SCN10A: variants seen among roughly 807,000 people sequenced by gnomAD.
The protein encoded by SCN10A is sodium voltage-gated channel alpha subunit 10, also known as sodium channel protein type 10 subunit alpha.
A neutral mutation model predicts 170.7 loss-of-function variants in SCN10A; 162 were observed. That is an observed-to-expected ratio of 0.95 (90% confidence interval 0.84 to 1.08). The LOEUF (loss-of-function observed/expected upper bound fraction) is 1.08, where lower values mean the gene tolerates loss of function less well. SCN10A is among the 50% of genes least tolerant of loss of function. SCN10A has a pLI of 0.00. For missense variants in SCN10A, 2,527 were observed against 2,436.9 expected (o/e 1.04, Z -0.78); for synonymous variants, 985 against 904.6 (o/e 1.09, Z -1.59).
chr3:38,748,873 C>T (rs1282389089), intron 13 of SCN10A, among the ~76,000 whole-genome samples: 1 of 152,214 alleles, frequency 6.6e-6, no homozygotes, highest in Non-Finnish European at 1.5e-5. Flanking sequence ...GAGCGGAAGT[C>T]TATCCTACCC....
intron 26 of SCN10A, among the ~76,000 whole-genome samples, chr3:38,704,792 C>T (rs749314067): frequency 7.9e-5 from 12 of 152,190 alleles, no homozygotes; most frequent in Admixed American, 3.9e-4. Flanking sequence ...TGAAATGGCA[C>T]CCATGCACTG....
intron 11 of SCN10A, among the ~76,000 whole-genome samples, chr3:38,755,379 A>AG (rs1180337271): frequency 7.2e-5 from 11 of 151,984 alleles, no homozygotes. Flanking sequence ...AAGGAAGCTG[A>AG]CCTTTGATGT....
intron 18 of SCN10A, 116 bp downstream of exon 18, chr3:38,725,058 T>A (rs1559424751): frequency 1.1e-6 from 1 of 906,904 alleles, no homozygotes. Flanking sequence ...AATGAGGTTA[T>A]GTGATTGAGT....
chr3:38,798,358 A>C (rs1047660501), intron 1 of SCN10A, among the ~76,000 whole-genome samples: 8 of 152,166 alleles, frequency 5.3e-5, no homozygotes, highest in Non-Finnish European at 1.2e-4. Context: ...AGACAGAGGC[A>C]GGAAGTCACA....
intron 14 of SCN10A, 44 bp downstream of exon 14, chr3:38,742,247 G>T (rs72866260): frequency 1.7e-4 from 82 of 477,500 alleles, no homozygotes; most frequent in African/African-American, 1.3e-3. Context: ...TCCCCACCCC[G>T]CCCCGACCAC....
intron 19 of SCN10A, among the ~76,000 whole-genome samples, chr3:38,722,781 C>G (rs759831926): frequency 6.6e-6 from 1 of 152,168 alleles, no homozygotes; most frequent in African/African-American, 2.4e-5. Flanking sequence ...CTGAGGGCCA[C>G]GACGTGGCTG....
intron 3 of SCN10A, among the ~76,000 whole-genome samples, chr3:38,790,622 A>G (rs964815050): frequency 6.6e-6 from 1 of 151,866 alleles, no homozygotes; most frequent in Non-Finnish European, 1.5e-5. Context: ...CCAAGCAGAG[A>G]CGACACATTG....
intron 1 of SCN10A, among the ~76,000 whole-genome samples, chr3:38,798,204 T>C (rs1266292829): frequency 1.3e-5 from 2 of 152,208 alleles, no homozygotes; most frequent in African/African-American, 2.4e-5. Context: ...TTTACTCTTA[T>C]GGGCAAACTG....
chr3:38,703,249 C>T (rs1355954664), intron 26 of SCN10A, among the ~76,000 whole-genome samples: 1 of 152,178 alleles, frequency 6.6e-6, no homozygotes, highest in Admixed American at 6.5e-5. Context: ...AGGCTCTTGG[C>T]CATATTTGCC....
chr3:38,806,770 T>C (rs1430255063), intron 1 of SCN10A, among the ~76,000 whole-genome samples: 1 of 152,116 alleles, frequency 6.6e-6, no homozygotes, highest in Non-Finnish European at 1.5e-5. Context: ...TCCACACCAC[T>C]AGCTCTCAGT....
chr3:38,726,029 C>T (rs2063450704), intron 17 of SCN10A, among the ~76,000 whole-genome samples: 2 of 152,164 alleles, frequency 1.3e-5, no homozygotes, highest in African/African-American at 2.4e-5. Flanking sequence ...GAGGTGAATG[C>T]CCTGAGTTAC....
chr3:38,805,754 A>G (rs2064401202), intron 1 of SCN10A, among the ~76,000 whole-genome samples: 2 of 152,174 alleles, frequency 1.3e-5, no homozygotes, highest in African/African-American at 4.8e-5. Flanking sequence ...AGTCTCAGCA[A>G]TCTGTGACAC....
chr3:38,772,981 T>C (rs930996015), intron 4 of SCN10A, among the ~76,000 whole-genome samples: 1 of 152,144 alleles, frequency 6.6e-6, no homozygotes, highest in South Asian at 2.1e-4. Flanking sequence ...GTTTGAAAAT[T>C]AGAGAATCAG....
chr3:38,736,987 T>TTTTC (rs2063571183), intron 15 of SCN10A, among the ~76,000 whole-genome samples: 1 of 126,148 alleles, frequency 7.9e-6, no homozygotes, highest in East Asian at 2.2e-4. Flanking sequence ...TTTTTTTTTT[T>TTTTC]TGAGACGGAG....
chr3:38,784,947 G>A (rs1434485703), intron 4 of SCN10A, among the ~76,000 whole-genome samples: 1 of 151,994 alleles, frequency 6.6e-6, no homozygotes, highest in African/African-American at 2.4e-5. Context: ...ACCTCTTCAA[G>A]GAGAACTAAA....
chr3:38,801,687 T>C (rs2064371202), intron 1 of SCN10A, among the ~76,000 whole-genome samples: 1 of 152,102 alleles, frequency 6.6e-6, no homozygotes, highest in Non-Finnish European at 1.5e-5. Context: ...CCAATAGAGG[T>C]CTTTCCCTAC....
chr3:38,702,743 A>G (rs1051467071), intron 26 of SCN10A, among the ~76,000 whole-genome samples: 3 of 152,208 alleles, frequency 2.0e-5, no homozygotes, highest in Admixed American at 1.3e-4. Flanking sequence ...TGCTGTGCAA[A>G]TGCCTAAGCA....
At chr3:38,743,669 G>T (rs913901806) in intron 13 of SCN10A, among the ~76,000 whole-genome samples, 4 of 152,128 alleles carry the variant, frequency 2.6e-5, no homozygotes, top group Admixed American at 1.3e-4. Context: ...TCTGGGGACT[G>T]CATCATCTCT....
At position 38,752,259 on chromosome 3, in the gene SCN10A, G is replaced by A. The variant is rs553784643; in HGVS notation, c.1715C>T (p.Pro572Leu). Reference protein sequence around the residue: ...SRHGEDEHQPPPTSELAPGAV... With the variant: ...SRHGEDEHQPLPTSELAPGAV... ...TCCAGGGGCAAGCTCACTAGTGGGC[G>A]GCGGTTGGTGTTCATCTTCTCCATG... is the stretch of plus-strand genomic sequence containing the variant. Residue 572 changes from proline to leucine, a missense_variant, in exon 12 of 28, where the codon CCG (proline) becomes CTG (leucine). By Grantham distance (98) the Pro-to-Leu change is moderately conservative (BLOSUM62 -3). Coordinates refer to ENST00000449082, the MANE Select transcript of SCN10A (RefSeq NM_006514.4). 50 of 1,571,836 alleles carry A rather than the reference G, an allele frequency of 3.2e-5. No individual in the cohort carries two copies. Among genetic ancestry groups the A allele is most frequent in the East Asian group, 1.6e-4 (7 of 42,530 alleles).
Sources: allele counts gnomAD v4.1 joint callset (sites outside exome capture counted in the v4.1 genomes callset), GRCh38; gene constraint gnomAD v4.1.1; transcripts MANE v1.5; gene names NCBI Gene and HGNC (gene_info 2026-07-23, HGNC 2026-07-21).